The following RIIAD1 variants were observed in gnomAD, a reference collection of about 807,000 sequenced individuals.
RIIAD1 encodes regulatory subunit of type II PKA R-subunit domain containing 1, also known as RIIa domain-containing protein 1.
A neutral mutation model predicts 13.3 loss-of-function variants in RIIAD1; 15 were observed. That is an observed-to-expected ratio of 1.13 (90% CI 0.76 to 1.74). The LOEUF is 1.74. RIIAD1 is among the 40% of genes most tolerant of loss of function. The probability of loss-of-function intolerance (pLI) is 0.00; values close to 1 mark genes in which losing one functional copy is unlikely to be tolerated. For synonymous variants in RIIAD1, 50 were observed against 43.3 expected (o/e 1.16, Z -0.61); for missense variants, 121 against 112.2 (o/e 1.08, Z -0.35).
At chr1:151,720,109 TTAA>T (rs1343633366), upstream of RIIAD1, among the ~76,000 whole-genome samples, 1 of 152,228 alleles carries the variant, frequency 6.6e-6, no homozygotes, top group Non-Finnish European at 1.5e-5. Context: ...TTACATGTTA[TTAA>T]TGAGATTTTT....
At position 151,715,195 on chromosome 1, in the gene RIIAD1, G is replaced by A. The variant is rs542437675; in HGVS notation, c.21+666G>A. ...CTCTTCCCTGTGCCAGGTGGAGGGG[G>A]AGCTGGTGTGGCCCCTGGGATCCCC... On this transcript the variant is annotated intron_variant, in intron 4 of 8. Transcript: ENST00000326413. Among the ~76,000 whole-genome samples the A allele has an allele frequency of 3.5e-4, 53 of 152,164 alleles. 1 individual carries two copies. Among genetic ancestry groups the A allele is most frequent in the African/African-American group, 1.2e-3 (51 of 41,492 alleles).
intron 2 of RIIAD1, among the ~76,000 whole-genome samples, chr1:151,722,853 C>G (rs1571948566): frequency 6.6e-6 from 1 of 152,188 alleles, no homozygotes; most frequent in African/African-American, 2.4e-5. Flanking sequence ...TCAGTGCCCA[C>G]GCAGTGTGTG....
At chr1:151,714,594 C>A in intron 4 of RIIAD1, 2 of 1,553,994 alleles carry the variant, frequency 1.3e-6, no homozygotes, top group South Asian at 1.2e-5. Flanking sequence ...CAGGACTCAC[C>A]CCTGGAAGCG....
At chr1:151,718,537 T>C (rs1350870125), upstream of RIIAD1, among the ~76,000 whole-genome samples, 6 of 152,356 alleles carry the variant, frequency 3.9e-5, no homozygotes, top group South Asian at 6.2e-4. Context: ...TTTTACTGCT[T>C]GATTCTGTGG....
chr1:151,716,015 C>T, intron 4 of RIIAD1: 1 of 1,611,766 alleles, frequency 6.2e-7, no homozygotes, highest in Non-Finnish European at 8.5e-7. Context: ...CATCCGGCTC[C>T]TTCATTGAGG....
chr1:151,719,690 T>C (rs1571947261), upstream of RIIAD1: 1 of 702,590 alleles, frequency 1.4e-6, no homozygotes, highest in Admixed American at 2.0e-5. Context: ...AAGTGGAAGG[T>C]AAGACAGGCC....
At chr1:151,720,725 A>G (rs1673721088), upstream of RIIAD1, among the ~76,000 whole-genome samples, 1 of 152,064 alleles carries the variant, frequency 6.6e-6, no homozygotes, top group Non-Finnish European at 1.5e-5. Context: ...GCTGAGCACG[A>G]TCTCTGTGGG....
At chr1:151,721,445 G>A (rs953409570), upstream of RIIAD1, 3 of 716,918 alleles carry the variant, frequency 4.2e-6, no homozygotes, top group African/African-American at 5.5e-5. Context: ...CCTAGCCCCT[G>A]CTTCGCTGAA....
At chr1:151,712,653 G>C (rs1345061564) in intron 2 of RIIAD1, among the ~76,000 whole-genome samples, 1 of 152,176 alleles carries the variant, frequency 6.6e-6, no homozygotes, top group Non-Finnish European at 1.5e-5. Context: ...GAACTCTTAG[G>C]GGAGAGAAAA....
At chr1:151,721,766 G>A (rs1019422865) in intron 1 of RIIAD1, 146 bp downstream of exon 1, 8 of 506,224 alleles carry the variant, frequency 1.6e-5, no homozygotes, top group Non-Finnish European at 2.7e-5. Context: ...GGAGACCCCC[G>A]GCGGACCTCT....
upstream of RIIAD1, chr1:151,716,929 C>T: frequency 2.7e-6 from 1 of 370,008 alleles, no homozygotes; most frequent in South Asian, 2.0e-5. Context: ...ACGAGCCACG[C>T]CCTCTTTCTA....
At chr1:151,716,279 C>T (rs1673472882) in intron 4 of RIIAD1, 4 of 451,644 alleles carry the variant, frequency 8.9e-6, no homozygotes, top group Non-Finnish European at 1.6e-5. Context: ...CGATCTCCCT[C>T]CCAGAGATCT....
At chr1:151,718,881 T>C (rs982701119), upstream of RIIAD1, among the ~76,000 whole-genome samples, 4 of 152,150 alleles carry the variant, frequency 2.6e-5, no homozygotes, top group Non-Finnish European at 5.9e-5. Context: ...TTTATGGAGA[T>C]GCTAAACAGA....
chr1:151,721,811 T>C (rs1673742067), intron 1 of RIIAD1, 191 bp downstream of exon 1: 2 of 566,450 alleles, frequency 3.5e-6, no homozygotes, highest in South Asian at 5.0e-5. Context: ...GCGACGGGCA[T>C]CTGAGAGTGC....
At chr1:151,716,900 A>C, upstream of RIIAD1, 1 of 409,828 alleles carries the variant, frequency 2.4e-6, no homozygotes, top group Non-Finnish European at 5.2e-6. Flanking sequence ...TACCCTGGAG[A>C]GGGACGCACA....
chr1:151,723,907 G>A (rs1017154860), intron 2 of RIIAD1, among the ~76,000 whole-genome samples: 2 of 152,142 alleles, frequency 1.3e-5, no homozygotes, highest in African/African-American at 4.8e-5. Context: ...GTCACCTTTT[G>A]CAACTTTTCT....
intron 2 of RIIAD1, among the ~76,000 whole-genome samples, chr1:151,725,921 A>G (rs910170284): frequency 6.6e-6 from 1 of 152,162 alleles, no homozygotes; most frequent in African/African-American, 2.4e-5. Flanking sequence ...CTCAAGCCAG[A>G]CCACATTTCT....
At chr1:151,728,502 T>TGGGGGGG (rs1647231069) in intron 3 of RIIAD1, 1 of 358 alleles carries the variant, frequency 2.8e-3, no homozygotes, top group African/African-American at 8.1e-3. Flanking sequence ...GGGTGGGGGG[T>TGGGGGGG]GGGGCCAGGC....
At chr1:151,724,803 A>AC (rs1553274515) in intron 2 of RIIAD1, among the ~76,000 whole-genome samples, 4 of 146,414 alleles carry the variant, frequency 2.7e-5, no homozygotes, top group African/African-American at 5.0e-5. Flanking sequence ...TGTAGAAAGT[A>AC]TTTTTTTTTT....
Sources: allele counts gnomAD v4.1 joint callset (sites outside exome capture counted in the v4.1 genomes callset), GRCh38; gene constraint gnomAD v4.1.1; transcripts MANE v1.5; gene names NCBI Gene and HGNC (gene_info 2026-07-23, HGNC 2026-07-21).